Variants in AAK1 observed in about 807,000 individuals in gnomAD.
The protein encoded by AAK1 is AP2-associated protein kinase 1.
Under a neutral mutation model 116.0 loss-of-function variants are expected in AAK1, and 37 were observed. The observed-to-expected ratio is 0.32, with a 90% CI of 0.25 to 0.42. AAK1 has a LOEUF of 0.42. Ranked by LOEUF, AAK1 falls within the 10% of genes least tolerant of loss-of-function variation. AAK1 has a pLI of 1.00. For missense variants in AAK1, 919 were observed against 1,170.6 expected (o/e 0.79, Z 3.14); for synonymous variants, 458 against 439.9 (o/e 1.04, Z -0.51).
At chr2:69,532,945 T>C (rs1364875248) in intron 5 of AAK1, among the ~76,000 whole-genome samples, 1 of 152,152 alleles carries the variant, frequency 6.6e-6, no homozygotes, top group African/African-American at 2.4e-5. Context: ...ACAAATGAAA[T>C]GACAACTCCA....
At chr2:69,490,384 A>C (rs1675474872) in intron 17 of AAK1, among the ~76,000 whole-genome samples, 1 of 152,242 alleles carries the variant, frequency 6.6e-6, no homozygotes, top group Non-Finnish European at 1.5e-5. Context: ...CATCTCTCAC[A>C]AAAGACAAAA....
At chr2:69,560,620 A>C (rs962709758) in intron 2 of AAK1, among the ~76,000 whole-genome samples, 3 of 152,264 alleles carry the variant, frequency 2.0e-5, no homozygotes, top group African/African-American at 4.8e-5. Context: ...TGACACAGAC[A>C]TGCTTTGCCT....
intron 2 of AAK1, among the ~76,000 whole-genome samples, chr2:69,579,666 T>C (rs186411536): frequency 1.8e-4 from 28 of 152,216 alleles, no homozygotes; most frequent in Non-Finnish European, 3.8e-4. Context: ...TTCCCCTACA[T>C]CTCTGTCCAC....
At chr2:69,640,053 A>ACACTCTCTCT (rs1343518565) in intron 2 of AAK1, among the ~76,000 whole-genome samples, 29 of 92,788 alleles carry the variant, frequency 3.1e-4, no homozygotes, top group African/African-American at 1.3e-3. Context: ...ACACACACAC[A>ACACTCTCTCT]CTCTCTCTCT....
intron 2 of AAK1, among the ~76,000 whole-genome samples, chr2:69,582,852 C>T (rs376395375): frequency 6.6e-6 from 1 of 152,230 alleles, no homozygotes; most frequent in South Asian, 2.1e-4. Context: ...TCTCAAAACT[C>T]TTCCCTGGAG....
intron 2 of AAK1, among the ~76,000 whole-genome samples, chr2:69,600,287 TCA>T (rs771719946): frequency 7.7e-5 from 11 of 143,578 alleles, no homozygotes; most frequent in Non-Finnish European, 1.6e-4. Context: ...TTAATCTGTC[TCA>T]GTTTTTTTTT....
At chr2:69,614,459 CGA>C (rs1674227295) in intron 2 of AAK1, among the ~76,000 whole-genome samples, 1 of 152,106 alleles carries the variant, frequency 6.6e-6, no homozygotes, top group Non-Finnish European at 1.5e-5. Context: ...GAAAGTTTCC[CGA>C]GAGTGGCAGC....
rs1676510729 is a variant in AAK1 at position 69,514,607 on chromosome 2, A to AGCTGTT, written c.1634_1639dup (p.Gln545_Gln546dup). 6.3e-7 allele frequency: 1 copy of AGCTGTT among 1,593,896 alleles called. No homozygotes were observed. The highest frequency in any genetic ancestry group is 8.5e-7 in the Non-Finnish European group (1 of 1,170,728). Reference sequence around the variant, plus strand: ...CTGTTGTTGATGCAGGGCTGTGGCCAGCTGTTGCTGTTGCTGTTGTTGTTG... The same window carrying AGCTGTT: ...CTGTTGTTGATGCAGGGCTGTGGCCAGCTGTTGCTGTTGCTGTTGCTGTTGTTGTTG... On this transcript the variant is annotated inframe_insertion, in exon 13 of 22. Coordinates refer to ENST00000409085, the MANE Select transcript of AAK1 (RefSeq NM_014911.5).
chr2:69,535,580 T>A (rs188926621), intron 5 of AAK1, among the ~76,000 whole-genome samples: 2 of 152,236 alleles, frequency 1.3e-5, no homozygotes, highest in African/African-American at 4.8e-5. Context: ...ACGAATGTTA[T>A]TTTAAATAGT....
intron 2 of AAK1, among the ~76,000 whole-genome samples, chr2:69,623,811 G>A (rs1045045710): frequency 2.0e-5 from 3 of 151,718 alleles, no homozygotes; most frequent in East Asian, 3.9e-4. Context: ...TAACATACTT[G>A]ATAGCACAAA....
chr2:69,505,525 G>T (rs1676150914), intron 16 of AAK1, 44 bp downstream of exon 16: 1 of 1,528,782 alleles, frequency 6.5e-7, no homozygotes, highest in East Asian at 2.3e-5. Flanking sequence ...CAGTGTGAAG[G>T]TAACAACAGT....
intron 2 of AAK1, among the ~76,000 whole-genome samples, chr2:69,558,708 G>A (rs1004879644): frequency 1.3e-5 from 2 of 152,328 alleles, no homozygotes; most frequent in East Asian, 1.9e-4. Context: ...TCTTCAGTAT[G>A]GGAATTTGAA....
intron 2 of AAK1, among the ~76,000 whole-genome samples, chr2:69,577,205 T>C (rs867335800): frequency 2.0e-5 from 3 of 152,272 alleles, no homozygotes; most frequent in East Asian, 1.9e-4. Context: ...CCCAGTGCTC[T>C]TGGCCTGTGC....
chr2:69,641,956 A>T (rs965908859), intron 2 of AAK1, among the ~76,000 whole-genome samples: 1 of 152,196 alleles, frequency 6.6e-6, no homozygotes, highest in African/African-American at 2.4e-5. Context: ...TTTATTAAAA[A>T]TAAAAGCACA....
intron 16 of AAK1, among the ~76,000 whole-genome samples, chr2:69,505,122 T>C (rs11676451): frequency 0.37 from 52,752 of 141,286 alleles, 10,205 homozygotes; most frequent in East Asian, 0.57. Flanking sequence ...TGCGTGCGTG[T>C]GCGCACACAC....
chr2:69,591,734 C>T (rs1673043670), intron 2 of AAK1, among the ~76,000 whole-genome samples: 1 of 151,918 alleles, frequency 6.6e-6, no homozygotes, highest in South Asian at 2.1e-4. Context: ...CCACGCCTGG[C>T]TAATTTTTGT....
intron 17 of AAK1, among the ~76,000 whole-genome samples, chr2:69,491,417 T>C (rs1675518058): frequency 6.6e-6 from 1 of 152,170 alleles, no homozygotes; most frequent in Non-Finnish European, 1.5e-5. Context: ...ATGGCTATGA[T>C]TTTCATATTC....
Position 69,643,739 on chromosome 2 carries a change from T to C in AAK1, c.-399A>G. 1 of 1,205,934 alleles carries C rather than the reference T, an allele frequency of 8.3e-7. No individual in the cohort carries two copies. Among genetic ancestry groups the C allele is most frequent in the Non-Finnish European group, 1.0e-6 (1 of 971,668 alleles). The allele number at this position is 1,205,934 out of a possible 1,614,324, so 74.7% of individuals were successfully genotyped here. ...GATCCCGGGAGCGCCGGGCGGAGAC[T>C]GACCCGCCGCCCCTCCCCCGCGCGC... On this transcript the variant is annotated 5_prime_UTR_variant, in exon 1 of 22. Transcript: ENST00000409085.
In AAK1 at chr2:69,466,993, C is replaced by T. The variant is rs560235700; in HGVS notation, c.*8876G>A. ...ATTCAGAATCTGGCATGTGGTCATC[C>T]GCGCCACATGCAGAGGGACAAACTC... is the stretch of plus-strand genomic sequence containing the variant. On this transcript the variant is annotated 3_prime_UTR_variant, in exon 22 of 22. Coordinates refer to ENST00000409085, the MANE Select transcript of AAK1 (RefSeq NM_014911.5). The T allele has an allele frequency of 6.1e-5, 60 of 985,390 alleles. No homozygotes were observed. In the Admixed American group the frequency reaches 8.6e-4, roughly 14 times the overall value. The allele number at this position is 985,390 out of a possible 1,614,324, so 61.0% of individuals were successfully genotyped here. A position where few individuals can be genotyped will look rare whatever the true frequency, so the allele number is the denominator to read the frequency against.
Sources: gnomAD v4.1 joint callset for allele counts (sites outside exome capture counted in the v4.1 genomes callset) on GRCh38, gnomAD v4.1.1 for gene constraint, MANE v1.5 for transcripts, NCBI Gene and HGNC (gene_info 2026-07-23, HGNC 2026-07-21) for gene names.